Variants in RAB2A observed in about 807,000 individuals in gnomAD.
RAB2A encodes the protein RAB2A, member RAS oncogene family, also known as ras-related protein Rab-2A.
RAB2A carries 7 observed loss-of-function variants against 32.5 expected under a neutral mutation model. The ratio of observed to expected loss-of-function variants is 0.22; its 90% CI spans 0.12 to 0.40. RAB2A has a LOEUF of 0.40. Ranked by LOEUF, RAB2A falls within the 10% of genes least tolerant of loss-of-function variation. The pLI, the probability that RAB2A is intolerant of heterozygous loss-of-function variation, is 1.00. For synonymous variants in RAB2A, 79 were observed against 85.2 expected (o/e 0.93, Z 0.40); for missense variants, 108 against 260.7 (o/e 0.41, Z 4.03).
At chr8:60,595,385 A>T (rs1013030265) in intron 6 of RAB2A, among the ~76,000 whole-genome samples, 1 of 152,236 alleles carries the variant, frequency 6.6e-6, no homozygotes, top group South Asian at 2.1e-4. Context: ...GTAAAATGTC[A>T]GATGTAAGCC....
At chr8:60,582,103 A>G (rs541422127) in intron 3 of RAB2A, among the ~76,000 whole-genome samples, 1 of 150,826 alleles carries the variant, frequency 6.6e-6, no homozygotes, top group Non-Finnish European at 1.5e-5. Context: ...AAGCCACAAC[A>G]CCCAGCTAAT....
chr8:60,561,763 C>T (rs2130832660), intron 2 of RAB2A, among the ~76,000 whole-genome samples: 1 of 152,314 alleles, frequency 6.6e-6, no homozygotes, highest in Non-Finnish European at 1.5e-5. Flanking sequence ...GGCCCAGAAT[C>T]ACTTTTGTAC....
intron 1 of RAB2A, among the ~76,000 whole-genome samples, chr8:60,533,149 T>A (rs1196196604): frequency 6.6e-6 from 1 of 152,218 alleles, no homozygotes; most frequent in Non-Finnish European, 1.5e-5. Flanking sequence ...TCTAAAAACT[T>A]AGTTTTACAT....
intron 1 of RAB2A, 101 bp from the exon 2 acceptor site, chr8:60,558,751 A>T (rs76795709): frequency 0.027 from 24,076 of 902,362 alleles, 1,385 homozygotes; most frequent in African/African-American, 0.18. Context: ...GATTATTCAC[A>T]GTGCACCAGA....
intron 3 of RAB2A, among the ~76,000 whole-genome samples, chr8:60,572,821 C>T (rs1808216008): frequency 6.6e-6 from 1 of 152,084 alleles, no homozygotes; most frequent in Non-Finnish European, 1.5e-5. Context: ...TAATATTTAC[C>T]ATATTAGAAA....
chr8:60,595,973 G>C (rs1804015609), intron 6 of RAB2A, among the ~76,000 whole-genome samples: 1 of 152,204 alleles, frequency 6.6e-6, no homozygotes, highest in African/African-American at 2.4e-5. Flanking sequence ...GTACGCTTCT[G>C]TGTGTCAGTG....
At chr8:60,579,552 G>T (rs1460189792) in intron 3 of RAB2A, among the ~76,000 whole-genome samples, 1 of 152,024 alleles carries the variant, frequency 6.6e-6, no homozygotes, top group Non-Finnish European at 1.5e-5. Flanking sequence ...ATCCTGTTTG[G>T]TTTCAAGCTT....
rs143351017 is a variant in RAB2A, at chr8:60,529,687, A to G, written c.46+12434A>G. On this transcript the variant is annotated intron_variant, in intron 1 of 7. Transcript: ENST00000262646. Reference sequence around the variant, plus strand: ...ACTTTGGGGGTTTATCTATATTAATACATTTCATTCTATTTTATTGATATT... The same window carrying G: ...ACTTTGGGGGTTTATCTATATTAATGCATTTCATTCTATTTTATTGATATT... 8.4e-4 allele frequency among the ~76,000 whole-genome samples: 128 copies of G among 152,328 alleles called. 1 individual carries two copies. The highest frequency in any genetic ancestry group is 2.9e-3 in the African/African-American group (119 of 41,586).
chr8:60,612,782 G>A (rs1586116309), intron 6 of RAB2A, among the ~76,000 whole-genome samples: 1 of 152,300 alleles, frequency 6.6e-6, no homozygotes, highest in African/African-American at 2.4e-5. Context: ...AACTGTATGA[G>A]AGAAGTAACA....
At chr8:60,574,344 G>A (rs2130841947) in intron 3 of RAB2A, among the ~76,000 whole-genome samples, 1 of 152,262 alleles carries the variant, frequency 6.6e-6, no homozygotes, top group East Asian at 1.9e-4. Flanking sequence ...ATGCAGCTTT[G>A]TATCCTGCAT....
intron 1 of RAB2A, among the ~76,000 whole-genome samples, chr8:60,554,862 AAG>A (rs1309402694): frequency 5.3e-5 from 8 of 152,176 alleles, no homozygotes; most frequent in Non-Finnish European, 1.2e-4. Flanking sequence ...CAAAAAAAAA[AAG>A]AAAGAAAAAA....
At chr8:60,573,627 A>G (rs532089539) in intron 3 of RAB2A, among the ~76,000 whole-genome samples, 21 of 152,226 alleles carry the variant, frequency 1.4e-4, no homozygotes, top group Admixed American at 9.2e-4. Flanking sequence ...AGCCTAAAGC[A>G]TCTCAAAACA....
intron 3 of RAB2A, among the ~76,000 whole-genome samples, chr8:60,575,981 C>T (rs1468687648): frequency 6.6e-6 from 1 of 152,098 alleles, no homozygotes; most frequent in East Asian, 1.9e-4. Context: ...TTTTTATCTT[C>T]AAAAAATTTA....
At chr8:60,609,554 GTTC>G (rs1217862868) in intron 6 of RAB2A, among the ~76,000 whole-genome samples, 1 of 152,202 alleles carries the variant, frequency 6.6e-6, no homozygotes, top group African/African-American at 2.4e-5. Context: ...CTTCAACCAT[GTTC>G]TTCTTCCTTC....
At chr8:60,565,797 A>T (rs1018941714) in intron 2 of RAB2A, among the ~76,000 whole-genome samples, 2 of 138,698 alleles carry the variant, frequency 1.4e-5, no homozygotes, top group South Asian at 4.6e-4. Flanking sequence ...TGCAACCTCC[A>T]CATCCCAGGT....
chr8:60,605,605 C>G (rs1471672643), intron 6 of RAB2A, among the ~76,000 whole-genome samples: 1 of 152,170 alleles, frequency 6.6e-6, no homozygotes, highest in Non-Finnish European at 1.5e-5. Flanking sequence ...ACCCATCACA[C>G]CCCTGTGCCC....
At chr8:60,574,031 G>A (rs1181391036) in intron 3 of RAB2A, among the ~76,000 whole-genome samples, 3 of 152,194 alleles carry the variant, frequency 2.0e-5, no homozygotes, top group African/African-American at 7.2e-5. Context: ...ACACATCTTT[G>A]CATTGTGTAG....
At position 60,547,371 on chromosome 8, in the gene RAB2A, C is replaced by T. The variant is rs565033984; in HGVS notation, c.47-11481C>T. On this transcript the variant is annotated intron_variant, in intron 1 of 7. Coordinates refer to ENST00000262646, the MANE Select transcript of RAB2A (RefSeq NM_002865.3). The stretch of plus-strand genomic sequence containing the variant: ...TTTCCCCCCTTTCTATTCCACAAAA[C>T]CGCCATTGTCATCATGGCCCGTTCT... Among the ~76,000 whole-genome samples the T allele has an allele frequency of 7.2e-5, 11 of 152,366 alleles. 2 individuals are homozygous for T. The South Asian group carries it at 2.3e-3, about 32-fold the overall frequency.
intron 1 of RAB2A, among the ~76,000 whole-genome samples, chr8:60,531,583 C>T (rs1021329274): frequency 5.9e-5 from 9 of 152,056 alleles, no homozygotes; most frequent in Non-Finnish European, 1.2e-4. Context: ...TTGGTCTTGC[C>T]TATAGAAAAA....
Sources: allele counts gnomAD v4.1 joint callset (sites outside exome capture counted in the v4.1 genomes callset), GRCh38; gene constraint gnomAD v4.1.1; transcripts MANE v1.5; gene names NCBI Gene and HGNC (gene_info 2026-07-23, HGNC 2026-07-21).